The following ADPGK variants were observed in gnomAD, a reference collection of about 807,000 sequenced individuals.
ADPGK encodes the protein ADP-dependent glucokinase.
In ADPGK, 26 loss-of-function variants were observed where a neutral mutation model predicts 42.4. That is an observed-to-expected ratio of 0.61 (90% confidence interval 0.45 to 0.85). ADPGK has a LOEUF of 0.85. Among genes scored for constraint, ADPGK ranks in the 40% least tolerant of loss-of-function variants. The probability of loss-of-function intolerance (pLI) is 0.00; values close to 1 mark genes in which losing one functional copy is unlikely to be tolerated. For missense variants in ADPGK, 571 were observed against 627.0 expected, an observed-to-expected ratio of 0.91 and a Z score of 0.95; for synonymous variants, 267 against 252.6, an observed-to-expected ratio of 1.06 and a Z score of -0.54.
chr15:72,773,181 T>C (rs1418888121), intron 2 of ADPGK, among the ~76,000 whole-genome samples: 1 of 152,172 alleles, frequency 6.6e-6, no homozygotes, highest in African/African-American at 2.4e-5. Context: ...GAATTTGTGT[T>C]GGACCACATT....
chr15:72,783,616 C>G lies in ADPGK; in HGVS notation c.76G>C (p.Glu26Gln). ...GAGCGCAGCGCCGAGCCTGGCAGCTCTGGCTCCAGCAGGAAGACGCAGCCC... is the reference window on the plus strand; with the variant it reads ...GAGCGCAGCGCCGAGCCTGGCAGCTGTGGCTCCAGCAGGAAGACGCAGCCC... ...AVGCVFLLEPELPGSALRSLW... is the reference protein window; with the variant it reads ...AVGCVFLLEPQLPGSALRSLW... Residue 26 changes from glutamate (E) to glutamine (Q), a missense_variant, in exon 1 of 7, where the codon GAG becomes CAG. Glu to Gln is a conservative substitution (Grantham distance 29). Coordinates refer to ENST00000456471, the MANE Select transcript of ADPGK (RefSeq NM_001365225.1). The G allele has an allele frequency of 1.3e-6, 2 of 1,516,060 alleles. No homozygotes were observed. Among genetic ancestry groups the G allele is most frequent in the South Asian group, 1.2e-5 (1 of 81,752 alleles). The allele number at this position is 1,516,060 out of a possible 1,614,324, so 93.9% of individuals were successfully genotyped here.
At chr15:72,774,122 C>A (rs534241345) in intron 2 of ADPGK, among the ~76,000 whole-genome samples, 2 of 152,288 alleles carry the variant, frequency 1.3e-5, no homozygotes, top group South Asian at 4.1e-4. Context: ...GGATTACAGG[C>A]GTGAGCCACT....
In ADPGK at chr15:72,777,722, C is replaced by T. The variant is rs532893332; in HGVS notation, c.234-2625G>A. ...ACAAAACTATAAACACCCCACTCTCCATATCTAGTACTGCTGAGATTTTAA... is the reference window on the plus strand; with the variant it reads ...ACAAAACTATAAACACCCCACTCTCTATATCTAGTACTGCTGAGATTTTAA... On this transcript the variant is annotated intron_variant, in intron 1 of 6. Transcript: ENST00000456471. 3.6e-4 allele frequency among the ~76,000 whole-genome samples: 54 copies of T among 152,088 alleles called. 1 individual carries two copies. The highest frequency in any genetic ancestry group is 1.3e-3 in the African/African-American group (54 of 41,474).
intron 1 of ADPGK, among the ~76,000 whole-genome samples, chr15:72,780,922 C>T (rs2066449989): frequency 6.6e-6 from 1 of 152,134 alleles, no homozygotes; most frequent in Non-Finnish European, 1.5e-5. Flanking sequence ...GAGTTTGGTT[C>T]GGGCTCCTTT....
intron 1 of ADPGK, among the ~76,000 whole-genome samples, chr15:72,782,150 T>C (rs1240059687): frequency 6.6e-6 from 1 of 152,186 alleles, no homozygotes; most frequent in Non-Finnish European, 1.5e-5. Flanking sequence ...ACAGGGGCCT[T>C]GCTTCACCCA....
In ADPGK at chr15:72,752,344, A is replaced by C. The variant is rs773980065; in HGVS notation, c.1491T>G (p.Tyr497Ter). 6.2e-7 allele frequency: 1 copy of C among 1,609,564 alleles called. No homozygotes were observed. The highest frequency in any genetic ancestry group is 2.2e-5 in the East Asian group (1 of 44,786). The change falls in exon 7 of 7, where the codon TAT becomes TAG. Residue 497 changes from tyrosine to a stop codon, truncating the protein, a stop_gained. Coordinates refer to ENST00000456471, the MANE Select transcript of ADPGK (RefSeq NM_001365225.1). LOFTEE classifies it high-confidence loss of function. ...GLFYSEVHPHY is the reference protein window; with the variant it reads ...GLFYSEVHPH ...AAAATTACCCCTAAGAATCTTCCTA[A>C]TAGTGAGGGTGTACTTCCGAATAGA...
chr15:72,773,790 G>A (rs914228870), intron 2 of ADPGK, among the ~76,000 whole-genome samples: 42 of 152,218 alleles, frequency 2.8e-4, no homozygotes, highest in African/African-American at 1.0e-3. Context: ...TTAACTTGCT[G>A]TCACCTTTAG....
At chr15:72,769,522 T>C (rs1292390128) in intron 3 of ADPGK, among the ~76,000 whole-genome samples, 1 of 152,202 alleles carries the variant, frequency 6.6e-6, no homozygotes, top group Non-Finnish European at 1.5e-5. Flanking sequence ...ATTCTTTGTA[T>C]TTTTAGCTAA....
intron 4 of ADPGK, chr15:72,756,690 G>A (rs2066119536): frequency 1.9e-6 from 1 of 525,678 alleles, no homozygotes; most frequent in South Asian, 2.3e-5. Flanking sequence ...CTTTTTCAAG[G>A]TAATTAGCTC....
chr15:72,762,622 T>A (rs2066208933), intron 3 of ADPGK, among the ~76,000 whole-genome samples: 1 of 152,038 alleles, frequency 6.6e-6, no homozygotes, highest in Admixed American at 6.5e-5. Flanking sequence ...AAAGACAAAA[T>A]ATATGAAACA....
At chr15:72,769,978 T>C (rs951264619) in intron 3 of ADPGK, among the ~76,000 whole-genome samples, 8 of 152,172 alleles carry the variant, frequency 5.3e-5, no homozygotes, top group Non-Finnish European at 8.8e-5. Flanking sequence ...TAAAAAACTA[T>C]AGAAGGAAGT....
chr15:72,766,912 G>C (rs1215524240), intron 3 of ADPGK, among the ~76,000 whole-genome samples: 25 of 152,140 alleles, frequency 1.6e-4, no homozygotes, highest in Admixed American at 1.4e-3. Context: ...CAAATAGCAA[G>C]ATGTTAGATT....
intron 1 of ADPGK, among the ~76,000 whole-genome samples, chr15:72,779,075 G>A (rs189556736): frequency 5.9e-5 from 9 of 152,178 alleles, no homozygotes; most frequent in South Asian, 4.1e-4. Flanking sequence ...TGAAACCCAC[G>A]TAGGAAGTAT....
chr15:72,778,896 G>A (rs1270779363), intron 1 of ADPGK, among the ~76,000 whole-genome samples: 2 of 152,102 alleles, frequency 1.3e-5, no homozygotes, highest in Non-Finnish European at 2.9e-5. Flanking sequence ...AGCACCCCAC[G>A]CTAGGCAGGC....
chr15:72,780,267 C>T (rs1333459252), intron 1 of ADPGK, among the ~76,000 whole-genome samples: 1 of 152,108 alleles, frequency 6.6e-6, no homozygotes, highest in Non-Finnish European at 1.5e-5. Context: ...AGCAAGGCAC[C>T]TTCTTCTTAA....
intron 6 of ADPGK, among the ~76,000 whole-genome samples, chr15:72,754,336 T>C (rs926430491): frequency 6.6e-6 from 1 of 152,184 alleles, no homozygotes; most frequent in Non-Finnish European, 1.5e-5. Flanking sequence ...GAGGGATGAC[T>C]GTATACTGAA....
intron 1 of ADPGK, 165 bp from the exon 2 acceptor site, chr15:72,775,262 A>G: frequency 1.6e-6 from 1 of 617,358 alleles, no homozygotes; most frequent in Non-Finnish European, 2.8e-6. Context: ...GAGAAAAATT[A>G]CTTTAACTGG....
intron 4 of ADPGK, chr15:72,758,367 C>T: frequency 1.7e-6 from 1 of 584,808 alleles, no homozygotes; most frequent in Non-Finnish European, 3.1e-6. Flanking sequence ...TAGTGACTCA[C>T]TGGATTCCCA....
rs7162169 is a variant in ADPGK, at chr15:72,783,273, G to A, written c.233+186C>T. On this transcript the variant is annotated intron_variant, in intron 1 of 6. Transcript: ENST00000456471. ...GGATGAGAGAAAGGCGCAGAGGCCA[G>A]CCGAGTGGAAAGAGCAGCGGTGACG... is the stretch of plus-strand genomic sequence containing the variant. 65 of 1,251,240 alleles carry A rather than the reference G, an allele frequency of 5.2e-5. No homozygotes were observed. In the African/African-American group the frequency reaches 9.0e-4, roughly 17 times the overall value. 77.5% of individuals were successfully genotyped at this position (1,251,240 alleles called of 1,614,324 possible).
Sources: gnomAD v4.1 joint callset for allele counts (sites outside exome capture counted in the v4.1 genomes callset) on GRCh38, gnomAD v4.1.1 for gene constraint, MANE v1.5 for transcripts, NCBI Gene and HGNC (gene_info 2026-07-23, HGNC 2026-07-21) for gene names.